PTPRQ: variants seen among roughly 807,000 people sequenced by gnomAD.
PTPRQ encodes the protein phosphatidylinositol phosphatase PTPRQ.
PTPRQ carries 199 observed loss-of-function variants against 246.0 expected under a neutral mutation model. The observed-to-expected ratio is 0.81, with a 90% CI of 0.72 to 0.91. The LOEUF is 0.91. Ranked by LOEUF, PTPRQ falls within the 40% of genes least tolerant of loss-of-function variation. PTPRQ has a pLI of 0.00. For synonymous variants in PTPRQ, 869 were observed against 853.2 expected (o/e 1.02, Z -0.32); for missense variants, 2,624 against 2,528.4 (o/e 1.04, Z -0.81).
intron 8 of PTPRQ, among the ~76,000 whole-genome samples, chr12:80,477,038 T>C (rs1335890765): frequency 6.6e-6 from 1 of 152,204 alleles, no homozygotes; most frequent in Non-Finnish European, 1.5e-5. Context: ...TTTTGCCCGT[T>C]ACTCCTGTGA....
intron 19 of PTPRQ, among the ~76,000 whole-genome samples, chr12:80,537,739 T>C (rs896449293): frequency 2.5e-4 from 38 of 152,328 alleles, no homozygotes; most frequent in African/African-American, 8.9e-4. Flanking sequence ...TTGTACAGCA[T>C]ATTAACTTTT....
intron 3 of PTPRQ, among the ~76,000 whole-genome samples, chr12:80,446,411 A>G (rs2120388318): frequency 6.6e-6 from 1 of 151,950 alleles, no homozygotes; most frequent in African/African-American, 2.4e-5. Flanking sequence ...CTGTATATAA[A>G]ATTTAGACTC....
intron 10 of PTPRQ, 38 bp downstream of exon 10, chr12:80,493,493 A>C: frequency 6.5e-7 from 1 of 1,533,796 alleles, no homozygotes; most frequent in Non-Finnish European, 8.8e-7. Context: ...GTTCATTTAA[A>C]CCACCAGTGC....
chr12:80,448,720 C>T (rs1892637987), intron 3 of PTPRQ, among the ~76,000 whole-genome samples: 2 of 149,478 alleles, frequency 1.3e-5, no homozygotes, highest in Non-Finnish European at 2.9e-5. Flanking sequence ...TTTTTTATGG[C>T]TGCATAGTAT....
rs1343833 is a variant in PTPRQ, at chr12:80,658,208, T to C, written c.6192+147T>C. ...TATTTACAGCCACATTGTGTACCCTTATTTTATAGATGTGGATATGGATAT... is the reference window on the plus strand; with the variant it reads ...TATTTACAGCCACATTGTGTACCCTCATTTTATAGATGTGGATATGGATAT... On this transcript the variant is annotated intron_variant, in intron 39 of 44. Coordinates refer to ENST00000644991, the MANE Select transcript of PTPRQ (RefSeq NM_001145026.2). The C allele has an allele frequency of 0.067, 31,439 of 469,572 alleles. 1,548 individuals are homozygous for C. Among genetic ancestry groups the C allele is most frequent in the South Asian group, 0.17 (2,380 of 13,802 alleles). 29.1% of individuals were successfully genotyped at this position (469,572 alleles called of 1,614,324 possible). A position where few individuals can be genotyped will look rare whatever the true frequency, so the allele number is the denominator to read the frequency against.
chr12:80,557,790 C>T (rs1896686393), intron 25 of PTPRQ, among the ~76,000 whole-genome samples: 1 of 152,076 alleles, frequency 6.6e-6, no homozygotes, highest in Non-Finnish European at 1.5e-5. Flanking sequence ...AATAGTATAT[C>T]AGATGGAAAA....
At chr12:80,453,245 G>A (rs950084563) in intron 3 of PTPRQ, among the ~76,000 whole-genome samples, 3 of 152,032 alleles carry the variant, frequency 2.0e-5, no homozygotes, top group Non-Finnish European at 2.9e-5. Flanking sequence ...CTCTATATTC[G>A]TTATTCTAGT....
At position 80,484,498 on chromosome 12, in the gene PTPRQ, A is replaced by C; in HGVS notation, c.1252A>C (p.Lys418Gln). 6.4e-7 allele frequency: 1 copy of C among 1,551,410 alleles called. No homozygotes were observed. Among genetic ancestry groups the C allele is most frequent in the Non-Finnish European group, 8.7e-7 (1 of 1,146,888 alleles). Residue 418 changes from lysine (K) to glutamine (Q), a missense_variant, in exon 9 of 45, where the codon AAG becomes CAG. Transcript: ENST00000644991. The part of the protein sequence containing the change: ...VESTQVRITW[K>Q]KPRQPNGIIN... Reference sequence around the variant, plus strand: ...ATCCACGCAAGTAAGAATTACTTGGAAGAAACCACGACAACCAAATGGAAT... The same window carrying C: ...ATCCACGCAAGTAAGAATTACTTGGCAGAAACCACGACAACCAAATGGAAT...
chr12:80,507,222 C>CTTAT (rs201147361), intron 16 of PTPRQ, among the ~76,000 whole-genome samples: 1 of 151,430 alleles, frequency 6.6e-6, no homozygotes, highest in African/African-American at 2.4e-5. Context: ...GTCAACTTTA[C>CTTAT]TACTGAGGCC....
In PTPRQ at chr12:80,472,236, T is replaced by G; in HGVS notation, c.1171T>G (p.Phe391Val). ...GTGPKSNISV[F>V]TPPDVPGAVF... Reference sequence around the variant, plus strand: ...TGGGCCCAAGTCAAATATTTCAGTATTCACTCCACCAGATGGTAAGAACAT... The same window carrying G: ...TGGGCCCAAGTCAAATATTTCAGTAGTCACTCCACCAGATGGTAAGAACAT... The change falls in exon 8 of 45, where the codon TTC becomes GTC. Residue 391 changes from phenylalanine to valine, a missense_variant. Transcript: ENST00000644991. The G allele has an allele frequency of 1.3e-6, 2 of 1,551,506 alleles. No homozygotes were observed. Among genetic ancestry groups the G allele is most frequent in the South Asian group, 2.4e-5 (2 of 84,002 alleles).
intron 3 of PTPRQ, among the ~76,000 whole-genome samples, chr12:80,456,371 A>T (rs560603151): frequency 6.6e-6 from 1 of 152,306 alleles, no homozygotes; most frequent in East Asian, 1.9e-4. Flanking sequence ...TGTGATGACT[A>T]TTTCATGAAG....
intron 6 of PTPRQ, among the ~76,000 whole-genome samples, chr12:80,467,086 G>A (rs1422714974): frequency 6.6e-6 from 1 of 152,178 alleles, no homozygotes; most frequent in African/African-American, 2.4e-5. Flanking sequence ...CAGAATGGGA[G>A]AAAATTTTCA....
intron 26 of PTPRQ, among the ~76,000 whole-genome samples, chr12:80,602,486 G>A (rs1486852344): frequency 6.6e-6 from 1 of 151,754 alleles, no homozygotes; most frequent in Non-Finnish European, 1.5e-5. Context: ...GGAGGTCCAA[G>A]ATGAAGGTGC....
chr12:80,546,927 T>C, intron 24 of PTPRQ: 2 of 403,396 alleles, frequency 5.0e-6, no homozygotes, highest in Non-Finnish European at 8.4e-6. Flanking sequence ...GAAGTTGAAA[T>C]AAAATAGTAG....
chr12:80,455,753 G>A (rs1892960975), intron 3 of PTPRQ, among the ~76,000 whole-genome samples: 1 of 144,124 alleles, frequency 6.9e-6, no homozygotes, highest in South Asian at 2.2e-4. Flanking sequence ...ACCATGCCCG[G>A]CTAATTTTTT....
At chr12:80,610,651 A>G in intron 28 of PTPRQ, 26 bp downstream of exon 28, 2 of 1,538,248 alleles carry the variant, frequency 1.3e-6, no homozygotes, top group Non-Finnish European at 1.8e-6. Flanking sequence ...CAACCTTGCT[A>G]AAAATTGACT....
chr12:80,574,491 GCTTT>G (rs1042947592), intron 25 of PTPRQ, among the ~76,000 whole-genome samples: 5 of 151,756 alleles, frequency 3.3e-5, no homozygotes, highest in Non-Finnish European at 7.4e-5. Context: ...CTCTGTTCTT[GCTTT>G]CTTTCTTGCC....
chr12:80,478,284 T>C (rs566153505), intron 8 of PTPRQ, among the ~76,000 whole-genome samples: 3 of 149,302 alleles, frequency 2.0e-5, no homozygotes, highest in Non-Finnish European at 4.5e-5. Context: ...ACACCTCACA[T>C]GGCCAGGTAC....
chr12:80,588,328 C>T lies in PTPRQ; in HGVS notation c.4485C>T (p.His1495=), dbSNP rs1407871230. 4.5e-6 allele frequency: 7 copies of T among 1,551,462 alleles called. No homozygotes were observed. The highest frequency in any genetic ancestry group is 2.0e-5 in the Admixed American group (1 of 50,980). ...AAATTCAATACCTCTATGAAGCTCA[C>T]TTAACTGAAGAGACAGTATATGGAT... The part of the protein sequence containing the change: ...YQKIQYLYEA[H]LTEETVYGLK... Residue 1495 remains histidine (H), a synonymous_variant, in exon 26 of 45, where the codon CAC becomes CAT. Coordinates refer to ENST00000644991, the MANE Select transcript of PTPRQ (RefSeq NM_001145026.2).
Sources: allele counts gnomAD v4.1 joint callset (sites outside exome capture counted in the v4.1 genomes callset), GRCh38; gene constraint gnomAD v4.1.1; transcripts MANE v1.5; gene names NCBI Gene and HGNC (gene_info 2026-07-23, HGNC 2026-07-21).